Variants in RPS6KC1 observed in about 807,000 individuals in gnomAD.
RPS6KC1 encodes ribosomal protein S6 kinase C1.
Under a neutral mutation model 103.8 loss-of-function variants are expected in RPS6KC1, and 54 were observed. The observed-to-expected ratio is 0.52, with a 90% CI of 0.42 to 0.65. The LOEUF (loss-of-function observed/expected upper bound fraction) is 0.65. RPS6KC1 is among the 30% of genes least tolerant of loss of function. The pLI is 0.00. For missense variants in RPS6KC1, 1,151 were observed against 1,253.8 expected (o/e 0.92, Z 1.24); for synonymous variants, 439 against 438.7 (o/e 1.00, Z -0.01).
chr1:213,437,105 A>G, the RPS6KC1 span, among the ~76,000 whole-genome samples: 1 of 152,126 alleles, frequency 6.6e-6, no homozygotes, highest in Non-Finnish European at 1.5e-5. Context: ...AACCTTCAGT[A>G]TTGCACTATG....
At chr1:213,491,299 G>C in the RPS6KC1 span, among the ~76,000 whole-genome samples, 361 of 152,278 alleles carry the variant, frequency 2.4e-3, 1 homozygote, top group African/African-American at 8.2e-3. Context: ...TGTAATCCCA[G>C]CATTTTGGGA....
chr1:213,577,712 G>A, the RPS6KC1 span, among the ~76,000 whole-genome samples: 1 of 152,202 alleles, frequency 6.6e-6, no homozygotes, highest in Non-Finnish European at 1.5e-5. Context: ...AGGGTATCTG[G>A]TAGAAGAAAT....
intron 6 of RPS6KC1, among the ~76,000 whole-genome samples, chr1:213,137,129 C>T (rs2086363207): frequency 6.6e-6 from 1 of 152,040 alleles, no homozygotes; most frequent in South Asian, 2.1e-4. Context: ...GGTCTTGTTT[C>T]TCTTTTATTT....
rs375078618 is a variant in RPS6KC1, at chr1:213,213,102, G to A, written c.1045-17395G>A. ...ATCTTATCAATTGTTTCTTTCATACGAGTGGGTTCTGCCTTTGATATTATC... is the reference window on the plus strand; with the variant it reads ...ATCTTATCAATTGTTTCTTTCATACAAGTGGGTTCTGCCTTTGATATTATC... On this transcript the variant is annotated intron_variant, in intron 8 of 14. Coordinates refer to ENST00000366960, the MANE Select transcript of RPS6KC1 (RefSeq NM_012424.6). 2.6e-5 allele frequency among the ~76,000 whole-genome samples: 4 copies of A among 152,066 alleles called. No homozygotes were observed. In the East Asian group the frequency reaches 5.8e-4, roughly 22 times the overall value.
the RPS6KC1 span, among the ~76,000 whole-genome samples, chr1:213,636,721 T>A: frequency 2.0e-5 from 3 of 150,014 alleles, no homozygotes; most frequent in Non-Finnish European, 4.4e-5. Context: ...ACTTCATGAC[T>A]AAAACACCAA....
chr1:213,088,520 C>G (rs2080643994), intron 3 of RPS6KC1, among the ~76,000 whole-genome samples: 1 of 151,938 alleles, frequency 6.6e-6, no homozygotes, highest in South Asian at 2.1e-4. Context: ...CCATGCCCAA[C>G]TAATTTTTGT....
the RPS6KC1 span, among the ~76,000 whole-genome samples, chr1:213,598,702 G>A: frequency 6.6e-6 from 1 of 152,136 alleles, no homozygotes; most frequent in South Asian, 2.1e-4. Flanking sequence ...CAGATCACTT[G>A]AGGTCAGGAG....
rs914583152 is a variant in RPS6KC1 at position 213,152,388 on chromosome 1, C to G, written c.836-15470C>G. ...TGATGGGGCGGGGGGCTGACCCCCC[C>G]ACCTCCCTCCCGGACGGGGTGGCTG... On this transcript the variant is annotated intron_variant, in intron 6 of 14. Coordinates refer to ENST00000366960, the MANE Select transcript of RPS6KC1 (RefSeq NM_012424.6). 6.0e-5 allele frequency among the ~76,000 whole-genome samples: 9 copies of G among 151,120 alleles called. No homozygotes were observed. In the East Asian group the frequency reaches 1.2e-3, roughly 20 times the overall value.
At chr1:213,097,281 T>C (rs544224288) in intron 3 of RPS6KC1, among the ~76,000 whole-genome samples, 1 of 152,242 alleles carries the variant, frequency 6.6e-6, no homozygotes, top group African/African-American at 2.4e-5. Flanking sequence ...TTGAACCTGG[T>C]AGGCGGAGGC....
At chr1:213,328,080 G>T in the RPS6KC1 span, among the ~76,000 whole-genome samples, 3 of 151,988 alleles carry the variant, frequency 2.0e-5, no homozygotes, top group South Asian at 6.2e-4. Flanking sequence ...GGTAGCTGTC[G>T]CCCATGTTAG....
chr1:213,191,508 ATTTG>A (rs988258353), intron 8 of RPS6KC1, among the ~76,000 whole-genome samples: 25 of 152,204 alleles, frequency 1.6e-4, no homozygotes, highest in Admixed American at 4.6e-4. Context: ...ATTGTACTGA[ATTTG>A]TTTGTCAGTT....
intron 6 of RPS6KC1, among the ~76,000 whole-genome samples, chr1:213,153,098 G>A (rs1045423121): frequency 1.4e-4 from 22 of 152,244 alleles, no homozygotes; most frequent in Non-Finnish European, 2.5e-4. Flanking sequence ...GCCTGGCGGC[G>A]CGAGTCTGCA....
At chr1:213,773,556 T>G in the RPS6KC1 span, among the ~76,000 whole-genome samples, 1 of 149,538 alleles carries the variant, frequency 6.7e-6, no homozygotes, top group South Asian at 2.1e-4. Flanking sequence ...TCTCTATATA[T>G]GTTATGTATA....
chr1:213,169,781 G>GTTTTTTT (rs67593764), intron 7 of RPS6KC1, among the ~76,000 whole-genome samples: 1 of 133,912 alleles, frequency 7.5e-6, no homozygotes, highest in African/African-American at 2.8e-5. Flanking sequence ...AAATTTTTAA[G>GTTTTTTT]TTTTTTTTTT....
chr1:213,476,394 C>T, the RPS6KC1 span, among the ~76,000 whole-genome samples: 2 of 152,148 alleles, frequency 1.3e-5, no homozygotes, highest in Non-Finnish European at 2.9e-5. Context: ...AAAGTCATAT[C>T]AGGTCACAAA....
At chr1:213,427,495 CTTTAT>C in the RPS6KC1 span, among the ~76,000 whole-genome samples, 1 of 152,104 alleles carries the variant, frequency 6.6e-6, no homozygotes, top group Non-Finnish European at 1.5e-5. Context: ...ACTAGATGGC[CTTTAT>C]TTTATGTGCT....
the RPS6KC1 span, among the ~76,000 whole-genome samples, chr1:213,728,956 T>G: frequency 2.8e-5 from 4 of 142,288 alleles, no homozygotes; most frequent in South Asian, 2.3e-4. Context: ...TTGTTTTTTT[T>G]TTTTTTTTTA....
the RPS6KC1 span, among the ~76,000 whole-genome samples, chr1:213,336,108 CA>C: frequency 6.6e-6 from 1 of 152,216 alleles, no homozygotes; most frequent in Admixed American, 6.5e-5. Context: ...ATTTGCTACA[CA>C]ATACATTTGA....
At chr1:213,250,882 C>A (rs1187032724) in intron 12 of RPS6KC1, among the ~76,000 whole-genome samples, 1 of 152,016 alleles carries the variant, frequency 6.6e-6, no homozygotes, top group Non-Finnish European at 1.5e-5. Flanking sequence ...GTGTAGTTGT[C>A]CTACAATACA....
Sources: gnomAD v4.1 joint callset for allele counts (sites outside exome capture counted in the v4.1 genomes callset) on GRCh38, gnomAD v4.1.1 for gene constraint, MANE v1.5 for transcripts, NCBI Gene and HGNC (gene_info 2026-07-23, HGNC 2026-07-21) for gene names.